The following TIAM2 variants were observed in gnomAD, a reference collection of about 807,000 sequenced individuals.
The protein encoded by TIAM2 is rho guanine nucleotide exchange factor TIAM2.
A neutral mutation model predicts 152.9 loss-of-function variants in TIAM2; 80 were observed. The ratio of observed to expected loss-of-function variants is 0.52; its 90% CI spans 0.44 to 0.63. The LOEUF (loss-of-function observed/expected upper bound fraction) is 0.63, where lower values mean the gene tolerates loss of function less well. Ranked by LOEUF, TIAM2 falls within the 30% of genes least tolerant of loss-of-function variation. The probability of loss-of-function intolerance (pLI) is 0.00; values close to 1 mark genes in which losing one functional copy is unlikely to be tolerated. For missense variants in TIAM2, 1,965 were observed against 2,120.1 expected (o/e 0.93, Z 1.44); for synonymous variants, 804 against 838.0 (o/e 0.96, Z 0.70).
At chr6:155,182,697 A>T (rs912908558) in intron 13 of TIAM2, among the ~76,000 whole-genome samples, 3 of 151,956 alleles carry the variant, frequency 2.0e-5, no homozygotes, top group African/African-American at 7.3e-5. Flanking sequence ...GTATACATAT[A>T]TATAGACAGA....
At chr6:155,062,586 CT>C (rs33968462) in intron 1 of TIAM2, among the ~76,000 whole-genome samples, 6 of 146,044 alleles carry the variant, frequency 4.1e-5, no homozygotes, top group Admixed American at 1.4e-4. Context: ...TTTTTCTTTT[CT>C]TTTTTTTTGA....
At chr6:155,087,969 C>T (rs1249568310) in intron 1 of TIAM2, among the ~76,000 whole-genome samples, 1 of 151,794 alleles carries the variant, frequency 6.6e-6, no homozygotes, top group Non-Finnish European at 1.5e-5. Context: ...GAAATGGGTC[C>T]ATCCCAATCC....
intron 2 of TIAM2, among the ~76,000 whole-genome samples, chr6:155,125,842 A>C (rs999729832): frequency 2.0e-5 from 3 of 152,128 alleles, no homozygotes. Context: ...TGTCTCCAAA[A>C]AAAGAGAGAA....
chr6:155,134,420 A>G (rs1296421858), intron 4 of TIAM2, among the ~76,000 whole-genome samples: 1 of 139,730 alleles, frequency 7.2e-6, no homozygotes, highest in African/African-American at 2.6e-5. Context: ...TCTGAAAAAG[A>G]AAACTCCTTG....
In TIAM2 at chr6:155,227,269, C is replaced by A. The variant is rs569776705; in HGVS notation, c.3169-13261C>A. Among the ~76,000 whole-genome samples the A allele has an allele frequency of 1.9e-4, 29 of 152,270 alleles. 1 individual carries two copies. The South Asian group carries it at 5.6e-3, about 29-fold the overall frequency. ...TGAGGTGAAATAAAGACTAGGCATGCGGAATGGCTTTGTAAACTGCAGGGG... is the reference window on the plus strand; with the variant it reads ...TGAGGTGAAATAAAGACTAGGCATGAGGAATGGCTTTGTAAACTGCAGGGG... On this transcript the variant is annotated intron_variant, in intron 15 of 26. Coordinates refer to ENST00000682666, the MANE Select transcript of TIAM2 (RefSeq NM_012454.4).
chr6:155,239,589 G>T (rs929685623), intron 15 of TIAM2, among the ~76,000 whole-genome samples: 4 of 152,248 alleles, frequency 2.6e-5, no homozygotes, highest in African/African-American at 9.6e-5. Flanking sequence ...TCTTTGAGAA[G>T]GCGGAAGCAC....
rs115657229 is a variant in TIAM2, at chr6:155,204,789, G to A, written c.3065-6415G>A. 6.0e-3 allele frequency among the ~76,000 whole-genome samples: 921 copies of A among 152,262 alleles called. 12 individuals carry two copies. The highest frequency in any genetic ancestry group is 0.021 in the African/African-American group (880 of 41,556). On this transcript the variant is annotated intron_variant, in intron 14 of 26. Transcript: ENST00000682666. ...TTGAAGCACGGCTTTTTCCGATGCG[G>A]TGACTGCTGTCTTAGTTCATTCGTG...
At position 155,153,946 on chromosome 6, in the gene TIAM2, C is replaced by G. The variant is rs1780039005; in HGVS notation, c.2028+5612C>G. Among the ~76,000 whole-genome samples the G allele has an allele frequency of 2.6e-5, 4 of 152,096 alleles. No homozygotes were observed. In the South Asian group the frequency reaches 8.3e-4, roughly 32 times the overall value. On this transcript the variant is annotated intron_variant, in intron 7 of 26. Transcript: ENST00000682666. ...CCAAGAGCTGTTTACTTTTTACCTT[C>G]AGACACAAAGACTGGGAAGCATTAA... is the stretch of plus-strand genomic sequence containing the variant.
chr6:155,130,036 C>T lies in TIAM2; in HGVS notation c.813C>T (p.Gly271=). The part of the protein sequence containing the change: ...SEAEGSFLAP[G]MPDPSLHASF... ...CTGAGGGCTCCTTCCTGGCCCCCGGCATGCCTGACCCCAGTCTCCATGCCA... is the reference window on the plus strand; with the variant it reads ...CTGAGGGCTCCTTCCTGGCCCCCGGTATGCCTGACCCCAGTCTCCATGCCA... Residue 271 remains glycine (G), a synonymous_variant, in exon 4 of 27, where the codon GGC becomes GGT. Transcript: ENST00000682666. 6.2e-7 allele frequency: 1 copy of T among 1,614,112 alleles called. No homozygotes were observed. Among genetic ancestry groups the T allele is most frequent in the Non-Finnish European group, 8.5e-7 (1 of 1,180,040 alleles).
rs113704512 is a variant in TIAM2, at chr6:155,094,413, A to G, written c.-118+4034A>G. 8.9e-3 allele frequency among the ~76,000 whole-genome samples: 1,359 copies of G among 152,292 alleles called. 8 individuals are homozygous for G. The highest frequency in any genetic ancestry group is 0.027 in the Middle Eastern group (8 of 294). On this transcript the variant is annotated intron_variant, in intron 2 of 26. Transcript: ENST00000682666. ...AAACTAAAGATATTTTCATAGTTTCAAACTTCAAGAAAAAAATAGAAGAGG... is the reference window on the plus strand; with the variant it reads ...AAACTAAAGATATTTTCATAGTTTCGAACTTCAAGAAAAAAATAGAAGAGG...
rs1184590078 is a variant in TIAM2 at position 155,156,655 on chromosome 6, A to T, written c.2029-7760A>T. ...CCTGGGCAACAGAGTGATATGTCTC[A>T]AAATAAATAAATAAATAAATAAAGT... On this transcript the variant is annotated intron_variant, in intron 7 of 26. Transcript: ENST00000682666. The surrounding 1 kb of genome is among the most constrained non-coding windows in gnomAD (Gnocchi z 4.4). Among the ~76,000 whole-genome samples the T allele has an allele frequency of 6.6e-6, 1 of 152,010 alleles. No homozygotes were observed. Among genetic ancestry groups the T allele is most frequent in the Non-Finnish European group, 1.5e-5 (1 of 67,988 alleles).
chr6:155,204,742 A>C (rs1781556233), intron 14 of TIAM2, among the ~76,000 whole-genome samples: 1 of 152,228 alleles, frequency 6.6e-6, no homozygotes, highest in South Asian at 2.1e-4. Context: ...AGTCTATTTC[A>C]AATGAATCCT....
intron 1 of TIAM2, among the ~76,000 whole-genome samples, chr6:155,085,165 G>A (rs1028787216): frequency 6.6e-6 from 1 of 152,220 alleles, no homozygotes; most frequent in African/African-American, 2.4e-5. Flanking sequence ...ACATTGAGTC[G>A]AATCTCTGAA....
At chr6:155,243,937 G>C in intron 16 of TIAM2, 74 bp from the exon 17 acceptor site, 1 of 1,223,628 alleles carries the variant, frequency 8.2e-7, no homozygotes, top group South Asian at 1.2e-5. Flanking sequence ...CTGCTGCCAG[G>C]TTGCTGCTAC....
Position 155,249,912 on chromosome 6 carries a change from G to C in TIAM2, c.3894G>C (p.Glu1298Asp). The C allele has an allele frequency of 6.2e-7, 1 of 1,614,122 alleles. No individual in the cohort carries two copies. Among genetic ancestry groups the C allele is most frequent in the South Asian group, 1.1e-5 (1 of 91,080 alleles). Reference protein sequence around the residue: ...SHINEMQKIYEDYGTVFDQLV... With the variant: ...SHINEMQKIYDDYGTVFDQLV... ...TCAATGAGATGCAGAAGATCTATGAGGATTATGGGACCGTGTTTGACCAGC... is the reference window on the plus strand; with the variant it reads ...TCAATGAGATGCAGAAGATCTATGACGATTATGGGACCGTGTTTGACCAGC... The change falls in exon 21 of 27, where the codon GAG (glutamate) becomes GAC (aspartate). Residue 1298 changes from glutamate (E) to aspartate (D), a missense_variant. By Grantham distance (45) the Glu-to-Asp change is conservative (BLOSUM62 2). Coordinates refer to ENST00000682666, the MANE Select transcript of TIAM2 (RefSeq NM_012454.4).
At chr6:155,115,860 T>A (rs1283639261) in intron 2 of TIAM2, among the ~76,000 whole-genome samples, 2 of 152,200 alleles carry the variant, frequency 1.3e-5, no homozygotes, top group African/African-American at 4.8e-5. Context: ...GGCTCACGCC[T>A]GTAATCTATG....
chr6:155,244,942 G>A (rs1583282050), intron 18 of TIAM2, 159 bp downstream of exon 18: 2 of 931,698 alleles, frequency 2.1e-6, no homozygotes, highest in Non-Finnish European at 3.0e-6. Flanking sequence ...CTGTCAGGTG[G>A]TAAAGGAAGG....
At chr6:155,237,270 G>A (rs796804209) in intron 15 of TIAM2, among the ~76,000 whole-genome samples, 8 of 152,348 alleles carry the variant, frequency 5.3e-5, no homozygotes, top group African/African-American at 1.9e-4. Flanking sequence ...CTCACATCCA[G>A]GTCACACTGA....
At chr6:155,198,302 C>T (rs931716277) in intron 14 of TIAM2, among the ~76,000 whole-genome samples, 26 of 152,328 alleles carry the variant, frequency 1.7e-4, no homozygotes, top group African/African-American at 6.3e-4. Context: ...CAGCAGCCAG[C>T]ACAATTCTTG....
Sources: allele counts gnomAD v4.1 joint callset (sites outside exome capture counted in the v4.1 genomes callset), GRCh38; gene constraint gnomAD v4.1.1; non-coding constraint Gnocchi (gnomAD v3.1); transcripts MANE v1.5; gene names NCBI Gene and HGNC (gene_info 2026-07-23, HGNC 2026-07-21).